The following IGSF11 variants were observed in gnomAD, a reference collection of about 807,000 sequenced individuals.
IGSF11 encodes the protein CXADR like 1.
IGSF11 carries 22 observed loss-of-function variants against 41.0 expected under a neutral mutation model. The ratio of observed to expected loss-of-function variants is 0.54; its 90% CI spans 0.38 to 0.77. IGSF11 has a LOEUF of 0.77. IGSF11 is among the 30% of genes least tolerant of loss of function. IGSF11 has a pLI of 0.00. For missense variants in IGSF11, 444 were observed against 530.8 expected, an observed-to-expected ratio of 0.84 and a Z score of 1.61; for synonymous variants, 219 against 201.3, an observed-to-expected ratio of 1.09 and a Z score of -0.74.
intron 1 of IGSF11, among the ~76,000 whole-genome samples, chr3:119,053,480 A>G (rs1941706991): frequency 6.6e-6 from 1 of 152,214 alleles, no homozygotes; most frequent in Non-Finnish European, 1.5e-5. Flanking sequence ...GATCTCTACA[A>G]GGTAAACTAC....
intron 1 of IGSF11, among the ~76,000 whole-genome samples, chr3:119,006,172 C>G (rs1353968976): frequency 7.9e-6 from 1 of 125,968 alleles, no homozygotes; most frequent in Non-Finnish European, 1.6e-5. Flanking sequence ...TCTTTTTATT[C>G]TTTTTTCTCT....
intron 1 of IGSF11, among the ~76,000 whole-genome samples, chr3:118,998,961 C>G (rs1936537572): frequency 1.3e-5 from 2 of 151,930 alleles, no homozygotes. Flanking sequence ...TATGTTACAT[C>G]CATACAATGA....
chr3:118,979,299 A>C (rs140828086), intron 1 of IGSF11, among the ~76,000 whole-genome samples: 299 of 152,298 alleles, frequency 2.0e-3, no homozygotes, highest in African/African-American at 7.1e-3. Context: ...TATTCAAATT[A>C]TTGGTGACCT....
intron 1 of IGSF11, among the ~76,000 whole-genome samples, chr3:119,040,528 C>T (rs1473909723): frequency 6.6e-6 from 1 of 152,192 alleles, no homozygotes; most frequent in African/African-American, 2.4e-5. Context: ...TAACATCATC[C>T]TTCTAAAATA....
chr3:119,089,404 G>A (rs1471888870), intron 1 of IGSF11, among the ~76,000 whole-genome samples: 1 of 152,006 alleles, frequency 6.6e-6, no homozygotes, highest in East Asian at 1.9e-4. Context: ...ACCCTCAACA[G>A]ATGAGGCACC....
At chr3:119,140,213 G>A (rs571866979) in intron 1 of IGSF11, among the ~76,000 whole-genome samples, 52 of 152,112 alleles carry the variant, frequency 3.4e-4, no homozygotes, top group African/African-American at 1.2e-3. Context: ...ATACCACTAC[G>A]TATATACTGT....
upstream of IGSF11, among the ~76,000 whole-genome samples, chr3:119,109,174 C>T (rs576772380): frequency 5.5e-4 from 78 of 141,220 alleles, no homozygotes; most frequent in African/African-American, 1.8e-3. Flanking sequence ...GTACCAGTTC[C>T]TCCTTGTACC....
chr3:118,900,953 CT>C lies in IGSF11; in HGVS notation c.*1566del, dbSNP rs1330311963. On this transcript the variant is annotated 3_prime_UTR_variant, in exon 7 of 7. Coordinates refer to ENST00000393775, the MANE Select transcript of IGSF11 (RefSeq NM_001015887.3). ...TGTTGGTTTCCATTCATTCACATAA[CT>C]GAAAAAAATGTCAGGAAGCCACTCC... 6.6e-6 allele frequency: 1 copy of C among 152,430 alleles called. No homozygotes were observed. The highest frequency in any genetic ancestry group is 1.5e-5 in the Non-Finnish European group (1 of 68,016). 9.4% of individuals were successfully genotyped at this position (152,430 alleles called of 1,614,324 possible). A position where few individuals can be genotyped will look rare whatever the true frequency, so the allele number is the denominator to read the frequency against.
upstream of IGSF11, among the ~76,000 whole-genome samples, chr3:119,106,811 C>T (rs2077036958): frequency 6.6e-6 from 1 of 150,706 alleles, no homozygotes; most frequent in South Asian, 2.1e-4. Context: ...TTGTTCAATT[C>T]CCACCTATGA....
chr3:119,025,267 AT>A (rs1939710190), intron 1 of IGSF11, among the ~76,000 whole-genome samples: 1 of 152,156 alleles, frequency 6.6e-6, no homozygotes, highest in African/African-American at 2.4e-5. Flanking sequence ...GAATCACAAG[AT>A]TATAGAACTG....
chr3:118,929,172 C>A (rs1942623664), intron 2 of IGSF11, among the ~76,000 whole-genome samples: 1 of 152,146 alleles, frequency 6.6e-6, no homozygotes, highest in Admixed American at 6.5e-5. Context: ...CTTATGTCAG[C>A]CTCTACTATC....
At chr3:119,136,410 A>T (rs1205753543) in intron 1 of IGSF11, among the ~76,000 whole-genome samples, 2 of 152,174 alleles carry the variant, frequency 1.3e-5, no homozygotes, top group Non-Finnish European at 2.9e-5. Context: ...TGACCCAATG[A>T]TCTGTTGCCA....
At chr3:119,084,023 A>G (rs2076630456) in intron 1 of IGSF11, among the ~76,000 whole-genome samples, 1 of 152,192 alleles carries the variant, frequency 6.6e-6, no homozygotes, top group African/African-American at 2.4e-5. Context: ...AGTGATACTG[A>G]TGATCCTGAC....
chr3:118,906,343 A>G (rs1024964008), intron 4 of IGSF11, among the ~76,000 whole-genome samples: 4 of 146,572 alleles, frequency 2.7e-5, no homozygotes, highest in African/African-American at 1.0e-4. Flanking sequence ...TGTCAAGGGG[A>G]CAGGGAAGCA....
intron 1 of IGSF11, among the ~76,000 whole-genome samples, chr3:119,045,973 C>A (rs1343271861): frequency 2.0e-5 from 3 of 151,782 alleles, no homozygotes; most frequent in South Asian, 2.1e-4. Context: ...GAAAAGACAT[C>A]CACACCAAAA....
At chr3:118,971,973 C>A (rs1933496421) in intron 1 of IGSF11, among the ~76,000 whole-genome samples, 1 of 152,062 alleles carries the variant, frequency 6.6e-6, no homozygotes, top group Admixed American at 6.5e-5. Context: ...CTATTAAATA[C>A]AAAGATATTC....
intron 1 of IGSF11, among the ~76,000 whole-genome samples, chr3:119,126,792 AT>A (rs2077410157): frequency 6.6e-6 from 1 of 151,872 alleles, no homozygotes; most frequent in Non-Finnish European, 1.5e-5. Context: ...GGACCTGACT[AT>A]TGAAAGAAAA....
chr3:119,108,468 T>A (rs1218228256), upstream of IGSF11, among the ~76,000 whole-genome samples: 2 of 151,020 alleles, frequency 1.3e-5, no homozygotes, highest in Non-Finnish European at 3.0e-5. Context: ...AAGTTGCTTA[T>A]CAGCTTGAGG....
chr3:119,036,033 ATATC>A (rs1940884412), upstream of IGSF11, among the ~76,000 whole-genome samples: 1 of 152,264 alleles, frequency 6.6e-6, no homozygotes, highest in South Asian at 2.1e-4. Flanking sequence ...TAAAATTAAA[ATATC>A]AAGATGGTGG....
Sources: gnomAD v4.1 joint callset for allele counts (sites outside exome capture counted in the v4.1 genomes callset) on GRCh38, gnomAD v4.1.1 for gene constraint, MANE v1.5 for transcripts, NCBI Gene and HGNC (gene_info 2026-07-23, HGNC 2026-07-21) for gene names.